GLI4: variants seen among roughly 807,000 people sequenced by gnomAD.
The protein encoded by GLI4 is zinc finger protein GLI4.
A neutral mutation model predicts 30.9 loss-of-function variants in GLI4; 34 were observed. The observed-to-expected ratio is 1.10, with a 90% CI of 0.84 to 1.47. The LOEUF (loss-of-function observed/expected upper bound fraction) is 1.47, where lower values mean the gene tolerates loss of function less well. Ranked by LOEUF, GLI4 falls within the 40% of genes most tolerant of loss-of-function variation. The pLI is 0.00. For synonymous variants in GLI4, 277 were observed against 236.7 expected, an observed-to-expected ratio of 1.17 and a Z score of -1.56; for missense variants, 696 against 538.9, an observed-to-expected ratio of 1.29 and a Z score of -2.89.
In GLI4 at chr8:143,276,207, G is replaced by C; in HGVS notation, c.534G>C (p.Arg178=). 1 of 1,577,662 alleles carries C rather than the reference G, an allele frequency of 6.3e-7. No homozygotes were observed. The highest frequency in any genetic ancestry group is 1.1e-5 in the South Asian group (1 of 87,690). Residue 178 remains arginine, a synonymous_variant, in exon 4 of 4, where the codon CGG becomes CGC. Transcript: ENST00000340042. ...NFGRSRQGSA[R]GAKPHRCEAC... Reference sequence around the variant, plus strand: ...GTCGGAGCCGGCAGGGCAGCGCGCGGGGGGCCAAGCCGCACAGGTGCGAGG... The same window carrying C: ...GTCGGAGCCGGCAGGGCAGCGCGCGCGGGGCCAAGCCGCACAGGTGCGAGG...
At chr8:143,275,297 G>A in intron 3 of GLI4, 1 of 1,481,808 alleles carries the variant, frequency 6.7e-7, no homozygotes, top group African/African-American at 1.4e-5. Context: ...GATATGGCTG[G>A]ATTTAACAGT....
chr8:143,267,803 C>G (rs1815170613), intron 1 of GLI4: 4 of 985,248 alleles, frequency 4.1e-6, no homozygotes, highest in South Asian at 9.4e-5. Context: ...GCCCGGAGGT[C>G]CCGCCGCTCC....
Position 143,276,825 on chromosome 8 carries a change from C to G in GLI4, c.*21C>G. ...AGTAGCCGGGCGGGGGCTCGGGGCT[C>G]GGCCTCCTACCTGCCCCCAACCCAC... On this transcript the variant is annotated 3_prime_UTR_variant, in exon 4 of 4. Transcript: ENST00000340042. 5 of 1,471,074 alleles carry G rather than the reference C, an allele frequency of 3.4e-6. No homozygotes were observed. Among genetic ancestry groups the G allele is most frequent in the Non-Finnish European group, 4.6e-6 (5 of 1,098,112 alleles). The allele number at this position is 1,471,074 out of a possible 1,614,324, so 91.1% of individuals were successfully genotyped here. A position where few individuals can be genotyped will look rare whatever the true frequency, so the allele number is the denominator to read the frequency against.
At chr8:143,275,375 A>G in intron 3 of GLI4, 4 of 1,402,496 alleles carry the variant, frequency 2.9e-6, no homozygotes, top group Non-Finnish European at 3.7e-6. Context: ...AGGTCCCTGG[A>G]AAGAGACCCT....
At position 143,268,032 on chromosome 8, in the gene GLI4, C is replaced by T. The variant is rs539221395; in HGVS notation, c.-38+548C>T. 47 of 985,420 alleles carry T rather than the reference C, an allele frequency of 4.8e-5. No homozygotes were observed. In the South Asian group the frequency reaches 1.8e-3, roughly 38 times the overall value. 61.0% of individuals were successfully genotyped at this position (985,420 alleles called of 1,614,324 possible). A position where few individuals can be genotyped will look rare whatever the true frequency, so the allele number is the denominator to read the frequency against. On this transcript the variant is annotated intron_variant, in intron 1 of 3. Coordinates refer to ENST00000340042, the MANE Select transcript of GLI4 (RefSeq NM_138465.4). ...GGCGTCCACGCTGTGATGGTCGCCT[C>T]TGCTCAGTCCTGGGGGCCAAGCCAG...
intron 3 of GLI4, chr8:143,275,103 C>G (rs1479668244): frequency 6.5e-7 from 1 of 1,535,742 alleles, no homozygotes; most frequent in African/African-American, 1.4e-5. Flanking sequence ...TCCCCTCCAC[C>G]TGCCTTGGGC....
Position 143,276,009 on chromosome 8 carries a change from G to A in GLI4, c.336G>A (p.Arg112=), listed in dbSNP as rs1406060864. The A allele has an allele frequency of 3.5e-6, 5 of 1,411,590 alleles. No individual in the cohort carries two copies. Among genetic ancestry groups the A allele is most frequent in the Non-Finnish European group, 4.6e-6 (5 of 1,085,502 alleles). 87.4% of individuals were successfully genotyped at this position (1,411,590 alleles called of 1,614,324 possible). ...SLLRSLPRRA[R]CSAGFGPESS... is the part of the protein sequence containing the mutation. ...TGAGGAGCCTTCCCCGCAGGGCCCG[G>A]TGCAGCGCCGGCTTCGGGCCTGAAT... Residue 112 remains arginine (R), a synonymous_variant, in exon 4 of 4, where the codon CGG becomes CGA. Coordinates refer to ENST00000340042, the MANE Select transcript of GLI4 (RefSeq NM_138465.4).
At chr8:143,267,692 AGCGGCC>A in intron 1 of GLI4, 1 of 985,148 alleles carries the variant, frequency 1.0e-6, no homozygotes, top group Non-Finnish European at 1.2e-6. Flanking sequence ...CGCCCCGCCC[AGCGGCC>A]CTGGCGATAG....
chr8:143,268,835 C>T (rs1357890029), intron 1 of GLI4, among the ~76,000 whole-genome samples: 1 of 148,166 alleles, frequency 6.7e-6, no homozygotes, highest in Non-Finnish European at 1.5e-5. Flanking sequence ...AGGCGTTACT[C>T]CTTTGCTGCT....
intron 2 of GLI4, among the ~76,000 whole-genome samples, chr8:143,270,109 C>T (rs1586726131): frequency 6.6e-6 from 1 of 152,264 alleles, no homozygotes; most frequent in Non-Finnish European, 1.5e-5. Context: ...CACAGGAGGC[C>T]TGGCCTCGGC....
At chr8:143,275,141 T>C (rs1815355856) in intron 3 of GLI4, 1 of 1,535,304 alleles carries the variant, frequency 6.5e-7, no homozygotes, top group African/African-American at 1.4e-5. Context: ...GGCACCACTG[T>C]CCCCCCAGAT....
At chr8:143,269,239 T>C in intron 1 of GLI4, 121 bp from the exon 2 acceptor site, 1 of 736,846 alleles carries the variant, frequency 1.4e-6, no homozygotes, top group Non-Finnish European at 2.3e-6. Context: ...CCATCCTTGC[T>C]CCTCCTGGAG....
In GLI4 at chr8:143,276,399, C is replaced by G. The variant is rs1237515679; in HGVS notation, c.726C>G (p.Gly242=). The change falls in exon 4 of 4, where the codon GGC becomes GGG. Residue 242 remains glycine, a synonymous_variant. Coordinates refer to ENST00000340042, the MANE Select transcript of GLI4 (RefSeq NM_138465.4). ...IHTGEKPYEC[G]QCGRAFSHSS... is the part of the protein sequence containing the mutation. ...CGGGCGAGAAGCCCTACGAGTGCGG[C>G]CAGTGCGGCCGCGCCTTCAGCCACA... is the stretch of plus-strand genomic sequence containing the variant. 1 of 1,612,614 alleles carries G rather than the reference C, an allele frequency of 6.2e-7. No homozygotes were observed. Among genetic ancestry groups the G allele is most frequent in the Non-Finnish European group, 8.5e-7 (1 of 1,179,758 alleles).
chr8:143,270,228 A>G (rs1815235535), intron 2 of GLI4, among the ~76,000 whole-genome samples: 1 of 152,262 alleles, frequency 6.6e-6, no homozygotes, highest in African/African-American at 2.4e-5. Flanking sequence ...AACCTGGCAC[A>G]GGGTTCTCCC....
chr8:143,274,599 G>A (rs1235510011), intron 2 of GLI4, 105 bp from the exon 3 acceptor site: 12 of 1,138,972 alleles, frequency 1.1e-5, no homozygotes, highest in Non-Finnish European at 1.4e-5. Context: ...AGGGCCAGGA[G>A]GTGTCCTGTG....
At position 143,272,736 on chromosome 8, in the gene GLI4, G is replaced by A. The variant is rs546268691; in HGVS notation, c.125-1968G>A. 2.9e-4 allele frequency among the ~76,000 whole-genome samples: 44 copies of A among 152,290 alleles called. No individual in the cohort carries two copies. In the South Asian group the frequency reaches 8.9e-3, roughly 31 times the overall value. ...GTGTCAGGATCCAGGGTTAGGCAGT[G>A]GAATGACAGTGACCCATGCAGCCCA... On this transcript the variant is annotated intron_variant, in intron 2 of 3. Coordinates refer to ENST00000340042, the MANE Select transcript of GLI4 (RefSeq NM_138465.4).
chr8:143,276,117 G>A lies in GLI4; in HGVS notation c.444G>A (p.Val148=). ...QPRGAWRVTL[V]QQAAAGPEGA... ...GGGGCGCCTGGCGCGTGACGCTCGT[G>A]CAGCAAGCAGCGGCCGGGCCCGAGG... Residue 148 remains valine (V), a synonymous_variant, in exon 4 of 4, where the codon GTG becomes GTA. Transcript: ENST00000340042. The A allele has an allele frequency of 1.3e-6, 2 of 1,507,876 alleles. No individual in the cohort carries two copies. The highest frequency in any genetic ancestry group is 8.8e-7 in the Non-Finnish European group (1 of 1,132,974). The allele number at this position is 1,507,876 out of a possible 1,614,324, so 93.4% of individuals were successfully genotyped here. A position where few individuals can be genotyped will look rare whatever the true frequency, so the allele number is the denominator to read the frequency against.
At chr8:143,273,851 G>A (rs1563736339) in intron 2 of GLI4, among the ~76,000 whole-genome samples, 1 of 151,630 alleles carries the variant, frequency 6.6e-6, no homozygotes, top group Non-Finnish European at 1.5e-5. Flanking sequence ...TGAGGCACCA[G>A]GGTGGCACAG....
Position 143,269,423 on chromosome 8 carries a change from G to C in GLI4, c.27G>C (p.Glu9Asp). ...TGGCAGCCCTAGGGGACATTCAGGA[G>C]TCCCCTTCTGTCCCGTCCCCTGTCA... MAALGDIQ[E>D]SPSVPSPVSL... The change falls in exon 2 of 4, where the codon GAG becomes GAC. Residue 9 changes from glutamate to aspartate, a missense_variant. Physicochemically the swap from Glu to Asp is conservative, Grantham distance 45. Transcript: ENST00000340042. The C allele has an allele frequency of 3.1e-6, 5 of 1,607,332 alleles. No individual in the cohort carries two copies. Among genetic ancestry groups the C allele is most frequent in the Non-Finnish European group, 4.3e-6 (5 of 1,174,368 alleles).
Sources: gnomAD v4.1 joint callset for allele counts (sites outside exome capture counted in the v4.1 genomes callset) on GRCh38, gnomAD v4.1.1 for gene constraint, MANE v1.5 for transcripts, NCBI Gene and HGNC (gene_info 2026-07-23, HGNC 2026-07-21) for gene names.